Variants in AHNAK observed in about 807,000 individuals in gnomAD.
The protein encoded by AHNAK is neuroblast differentiation-associated protein AHNAK.
AHNAK carries 23 observed loss-of-function variants against 37.8 expected under a neutral mutation model. The observed-to-expected ratio is 0.61, with a 90% CI of 0.44 to 0.86. The LOEUF is 0.86. AHNAK is among the 40% of genes least tolerant of loss of function. The probability of loss-of-function intolerance (pLI) is 0.00; values close to 1 mark genes in which losing one functional copy is unlikely to be tolerated. For synonymous variants in AHNAK, 2,481 were observed against 2,636.3 expected (o/e 0.94, Z 1.80); for missense variants, 7,411 against 7,319.4 (o/e 1.01, Z -0.46).
intron 5 of AHNAK, among the ~76,000 whole-genome samples, chr11:62,455,530 A>T (rs1333051682): frequency 6.6e-6 from 1 of 151,830 alleles, no homozygotes; most frequent in Admixed American, 6.6e-5. Flanking sequence ...ACATGGAGAA[A>T]CCCTGTCTCT....
At chr11:62,473,413 A>T (rs1397681601) in intron 5 of AHNAK, among the ~76,000 whole-genome samples, 1 of 92,582 alleles carries the variant, frequency 1.1e-5, no homozygotes, top group Non-Finnish European at 2.3e-5. Context: ...AAAAAAAAAA[A>T]GGCTGGGTGC....
rs375268557 is a variant in AHNAK, at chr11:62,453,361, A to G, written c.443-19470T>C. Among the ~76,000 whole-genome samples the G allele has an allele frequency of 8.1e-4, 123 of 152,288 alleles. 1 individual carries two copies. In the South Asian group the frequency reaches 0.025, roughly 31 times the overall value. ...TCCTGGTTCAAGGAGAAACCATGAC[A>G]TTCAGCCCCATTTGGATTGTGGAAG... On this transcript the variant is annotated intron_variant, in intron 5 of 5. Transcript: ENST00000257247.
At chr11:62,481,565 T>A (rs1371999634) in intron 5 of AHNAK, among the ~76,000 whole-genome samples, 1 of 151,996 alleles carries the variant, frequency 6.6e-6, no homozygotes, top group African/African-American at 2.4e-5. Flanking sequence ...ATACTCTTTA[T>A]TTTTTATTTA....
intron 5 of AHNAK, among the ~76,000 whole-genome samples, chr11:62,486,716 G>A (rs1159427715): frequency 1.3e-5 from 2 of 150,684 alleles, no homozygotes; most frequent in Non-Finnish European, 2.9e-5. Flanking sequence ...ACCTAAAAAT[G>A]GTTAAAATGG....
Position 62,525,497 on chromosome 11 carries a change from C to T in AHNAK, c.8920G>A (p.Gly2974Ser). 1 of 1,613,754 alleles carries T rather than the reference C, an allele frequency of 6.2e-7. No individual in the cohort carries two copies. The highest frequency in any genetic ancestry group is 8.5e-7 in the Non-Finnish European group (1 of 1,179,966). ...PMPDFDLHLK[G>S]PKVKGDVDIS... Reference sequence around the variant, plus strand: ...TCCACATCGCCCTTCACCTTGGGACCTTTCAGATGCAAATCAAAGTCAGGC... The same window carrying T: ...TCCACATCGCCCTTCACCTTGGGACTTTTCAGATGCAAATCAAAGTCAGGC... Residue 2974 changes from glycine (G) to serine (S), a missense_variant, in exon 5 of 5, where the codon GGT becomes AGT. Physicochemically the swap from Gly to Ser is moderately conservative, Grantham distance 56 (BLOSUM62 0). Transcript: ENST00000378024.
chr11:62,506,246 TAAAAA>T (rs151312445), intron 4 of AHNAK, among the ~76,000 whole-genome samples: 1 of 145,962 alleles, frequency 6.9e-6, no homozygotes, highest in Non-Finnish European at 1.5e-5. Context: ...AAATAAATAT[TAAAAA>T]AAAAAGAGCC....
chr11:62,534,158 G>T, intron 4 of AHNAK, 84 bp from the exon 5 acceptor site: 1 of 1,401,104 alleles, frequency 7.1e-7, no homozygotes, highest in Non-Finnish European at 9.5e-7. Flanking sequence ...CCGACAACAC[G>T]TTGCCTGTTT....
At chr11:62,480,097 GC>G (rs1204187927) in intron 5 of AHNAK, among the ~76,000 whole-genome samples, 1 of 152,144 alleles carries the variant, frequency 6.6e-6, no homozygotes, top group Non-Finnish European at 1.5e-5. Flanking sequence ...CCTGCCACCT[GC>G]CAGGAAGGTC....
chr11:62,543,245 C>T (rs1941193147), intron 1 of AHNAK, among the ~76,000 whole-genome samples: 3 of 152,216 alleles, frequency 2.0e-5, no homozygotes, highest in Admixed American at 2.0e-4. Context: ...GACCGAGAAA[C>T]TCACTTCAGT....
intron 5 of AHNAK, among the ~76,000 whole-genome samples, chr11:62,444,688 G>T (rs1452314663): frequency 6.6e-6 from 1 of 152,176 alleles, no homozygotes; most frequent in Admixed American, 6.5e-5. Flanking sequence ...TTTCCCATGG[G>T]GCACAGCACG....
chr11:62,439,220 G>A (rs551602171), intron 5 of AHNAK, among the ~76,000 whole-genome samples: 1 of 147,946 alleles, frequency 6.8e-6, no homozygotes, highest in Admixed American at 7.0e-5. Flanking sequence ...TCAGCCTCCC[G>A]AGTAGCTGGG....
intron 5 of AHNAK, among the ~76,000 whole-genome samples, chr11:62,444,631 C>T (rs1437434696): frequency 1.3e-5 from 2 of 152,236 alleles, no homozygotes; most frequent in East Asian, 3.9e-4. Context: ...TTTTCTTTCT[C>T]CTGCTAGATG....
chr11:62,503,510 G>A (rs559405197), intron 4 of AHNAK, among the ~76,000 whole-genome samples: 14 of 151,738 alleles, frequency 9.2e-5, no homozygotes, highest in African/African-American at 2.9e-4. Flanking sequence ...CTGAACCCAG[G>A]AGGCAGAGGT....
intron 5 of AHNAK, among the ~76,000 whole-genome samples, chr11:62,472,435 T>C (rs758794558): frequency 6.6e-6 from 1 of 152,108 alleles, no homozygotes; most frequent in African/African-American, 2.4e-5. Context: ...CTTAGGCTTT[T>C]GTCAACACCC....
In AHNAK at chr11:62,530,208, A is replaced by T. The variant is rs369377667; in HGVS notation, c.4209T>A (p.Asp1403Glu). 44 of 1,611,580 alleles carry T rather than the reference A, an allele frequency of 2.7e-5. No individual in the cohort carries two copies. The African/African-American group carries it at 5.4e-4, about 20-fold the overall frequency. Residue 1403 changes from aspartate (D) to glutamate (E), a missense_variant, in exon 5 of 5, where the codon GAT (aspartate) becomes GAA (glutamate). Transcript: ENST00000378024. ...CAACGTCAGCTTTGGGCAGCTTCAC[A>T]TCCACTTCAGGGCCCTCTCCTTTGA... ...PGFKGEGPEV[D>E]VKLPKADVDV...
intron 1 of AHNAK, chr11:62,545,750 T>A (rs1302774276): frequency 6.6e-6 from 1 of 152,638 alleles, no homozygotes; most frequent in Non-Finnish European, 1.5e-5. Context: ...TCACCACTCC[T>A]CCCTGAGTTC....
intron 4 of AHNAK, among the ~76,000 whole-genome samples, chr11:62,503,349 G>T (rs906465661): frequency 6.6e-6 from 1 of 152,214 alleles, no homozygotes; most frequent in African/African-American, 2.4e-5. Context: ...AGCACTTTGG[G>T]AGGCCAAGGC....
In AHNAK at chr11:62,518,712, C is replaced by G; in HGVS notation, c.15705G>C (p.Lys5235Asn). Residue 5235 changes from lysine to asparagine, a missense_variant, in exon 5 of 5, where the codon AAG becomes AAC. Lys to Asn is a moderately conservative substitution (Grantham distance 94). Transcript: ENST00000378024. ...QGPEAKIKFPKFSMPKIGIPG... is the reference protein window; with the variant it reads ...QGPEAKIKFPNFSMPKIGIPG... ...GGATGCCGATCTTGGGCATGGAAAA[C>G]TTGGGGAACTTAATTTTTGCTTCTG... 1 of 1,614,198 alleles carries G rather than the reference C, an allele frequency of 6.2e-7. No individual in the cohort carries two copies. The highest frequency in any genetic ancestry group is 8.5e-7 in the Non-Finnish European group (1 of 1,180,018).
intron 1 of AHNAK, among the ~76,000 whole-genome samples, chr11:62,545,163 G>C (rs1379105805): frequency 6.6e-6 from 1 of 152,124 alleles, no homozygotes; most frequent in Non-Finnish European, 1.5e-5. Flanking sequence ...GCACTCTGCA[G>C]CGACCGCACG....
Sources: gnomAD v4.1 joint callset for allele counts (sites outside exome capture counted in the v4.1 genomes callset) on GRCh38, gnomAD v4.1.1 for gene constraint, MANE v1.5 for transcripts, NCBI Gene and HGNC (gene_info 2026-07-23, HGNC 2026-07-21) for gene names.